The following ANKRD44 variants were observed in gnomAD, a reference collection of about 807,000 sequenced individuals.
ANKRD44 encodes the protein ankyrin repeat domain 44.
In ANKRD44, 35 loss-of-function variants were observed where a neutral mutation model predicts 116.0. The ratio of observed to expected loss-of-function variants is 0.30; its 90% CI spans 0.23 to 0.40. ANKRD44 has a LOEUF of 0.40. Among genes scored for constraint, ANKRD44 ranks in the 10% least tolerant of loss-of-function variants. The pLI, the probability that ANKRD44 is intolerant of heterozygous loss-of-function variation, is 1.00. For missense variants in ANKRD44, 1,014 were observed against 1,242.6 expected (o/e 0.82, Z 2.77); for synonymous variants, 435 against 461.8 (o/e 0.94, Z 0.74).
At chr2:197,215,120 C>T (rs141856957) in intron 1 of ANKRD44, among the ~76,000 whole-genome samples, 93 of 152,308 alleles carry the variant, frequency 6.1e-4, no homozygotes, top group African/African-American at 2.2e-3. Context: ...ACATGATCCT[C>T]CCGGCTCAGC....
intron 17 of ANKRD44, among the ~76,000 whole-genome samples, chr2:197,020,307 T>C (rs1219523837): frequency 1.3e-5 from 2 of 152,160 alleles, no homozygotes; most frequent in South Asian, 4.1e-4. Context: ...ATGCTGGCAA[T>C]TAGGAAAGCT....
Position 196,988,402 on chromosome 2 carries a change from G to A in ANKRD44, c.*1189C>T. The A allele has an allele frequency of 7.1e-6, 7 of 985,420 alleles. No homozygotes were observed. The highest frequency in any genetic ancestry group is 8.4e-6 in the Non-Finnish European group (7 of 829,920). The allele number at this position is 985,420 out of a possible 1,614,324, so 61.0% of individuals were successfully genotyped here. On this transcript the variant is annotated 3_prime_UTR_variant, in exon 28 of 28. Coordinates refer to ENST00000282272, the MANE Select transcript of ANKRD44 (RefSeq NM_001195144.2). Reference sequence around the variant, plus strand: ...CTTCTCTAAACAAACGAAAAGGACAGAAGGTGGGAAGCACAACACCAAGAA... The same window carrying A: ...CTTCTCTAAACAAACGAAAAGGACAAAAGGTGGGAAGCACAACACCAAGAA...
In ANKRD44 at chr2:197,201,457, G is replaced by A. The variant is rs993371674; in HGVS notation, c.28-14351C>T. The stretch of plus-strand genomic sequence containing the variant: ...TCTGAGACAAGGCATCAGGGAGATA[G>A]GATCCTTTGGCCTCCTCTGGCCCAA... On this transcript the variant is annotated intron_variant, in intron 1 of 27. Transcript: ENST00000282272. The surrounding 1 kb of genome is among the most constrained non-coding windows in gnomAD (Gnocchi z 4.0). 1.3e-5 allele frequency among the ~76,000 whole-genome samples: 2 copies of A among 152,174 alleles called. No homozygotes were observed. Among genetic ancestry groups the A allele is most frequent in the African/African-American group, 4.8e-5 (2 of 41,438 alleles).
rs569670969 is a variant in ANKRD44, at chr2:197,241,930, C to T, written c.28-54824G>A. ...TTGTACAATATTAATCTTAAAAATA[C>T]ATATTACTGTGCTTTTCTTCCCAAA... is the stretch of plus-strand genomic sequence containing the variant. On this transcript the variant is annotated intron_variant, in intron 1 of 27. Coordinates refer to ENST00000282272, the MANE Select transcript of ANKRD44 (RefSeq NM_001195144.2). Among the ~76,000 whole-genome samples, 185 of 152,176 alleles carry T rather than the reference C, an allele frequency of 1.2e-3. 2 individuals are homozygous for T. Among genetic ancestry groups the T allele is most frequent in the African/African-American group, 4.4e-3 (183 of 41,536 alleles).
At chr2:197,230,101 G>A (rs953931211) in intron 1 of ANKRD44, among the ~76,000 whole-genome samples, 3 of 152,002 alleles carry the variant, frequency 2.0e-5, no homozygotes, top group Admixed American at 6.6e-5. Flanking sequence ...CAGCCAACAC[G>A]AGCTTTTTTC....
intron 12 of ANKRD44, 58 bp downstream of exon 12, chr2:197,088,651 GTC>G (rs1462749402): frequency 3.0e-3 from 51 of 16,916 alleles, no homozygotes; most frequent in East Asian, 0.17. Context: ...GACAACTTAA[GTC>G]AAGTCAATAA....
intron 16 of ANKRD44, among the ~76,000 whole-genome samples, chr2:197,063,647 G>A (rs865940318): frequency 2.6e-5 from 4 of 152,180 alleles, no homozygotes; most frequent in Non-Finnish European, 4.4e-5. Flanking sequence ...CAAGAACTAC[G>A]TGATGAATGC....
At chr2:197,044,523 G>A (rs927967354) in intron 16 of ANKRD44, among the ~76,000 whole-genome samples, 4 of 152,026 alleles carry the variant, frequency 2.6e-5, no homozygotes, top group Non-Finnish European at 4.4e-5. Flanking sequence ...CACACATACA[G>A]CTAATTTTTG....
intron 2 of ANKRD44, among the ~76,000 whole-genome samples, chr2:197,185,899 A>T (rs548895844): frequency 6.6e-6 from 1 of 152,324 alleles, no homozygotes; most frequent in East Asian, 1.9e-4. Context: ...AAAAAAACAG[A>T]TAGTAAATAT....
chr2:197,014,563 G>A (rs1349908085), intron 17 of ANKRD44, among the ~76,000 whole-genome samples: 1 of 152,014 alleles, frequency 6.6e-6, no homozygotes, highest in African/African-American at 2.4e-5. Flanking sequence ...CGAGACGGGT[G>A]GATCACTTGA....
intron 1 of ANKRD44, among the ~76,000 whole-genome samples, chr2:197,269,091 G>GTTTTTGTTTT (rs377613120): frequency 3.3e-5 from 5 of 151,466 alleles, no homozygotes; most frequent in East Asian, 1.9e-4. Context: ...TTTTGTTTTT[G>GTTTTTGTTTT]TTTTTGATCT....
intron 2 of ANKRD44, among the ~76,000 whole-genome samples, chr2:197,169,217 C>A (rs913192499): frequency 1.3e-5 from 2 of 152,146 alleles, no homozygotes; most frequent in African/African-American, 2.4e-5. Context: ...ACATTCCCCC[C>A]AATCTTCTCA....
At chr2:197,026,461 T>C (rs1032297947) in intron 16 of ANKRD44, among the ~76,000 whole-genome samples, 1 of 152,172 alleles carries the variant, frequency 6.6e-6, no homozygotes, top group Non-Finnish European at 1.5e-5. Flanking sequence ...TGTGAATATC[T>C]TGGAGAAGAG....
At chr2:197,126,460 G>A (rs2078976942) in intron 4 of ANKRD44, among the ~76,000 whole-genome samples, 1 of 152,210 alleles carries the variant, frequency 6.6e-6, no homozygotes, top group Non-Finnish European at 1.5e-5. Context: ...TCAGCATCGT[G>A]TGATCAATAA....
intron 1 of ANKRD44, among the ~76,000 whole-genome samples, chr2:197,228,823 G>A (rs2081784307): frequency 6.6e-6 from 1 of 152,202 alleles, no homozygotes; most frequent in African/African-American, 2.4e-5. Context: ...ATCACCTGAG[G>A]TCAGGAGTTT....
At chr2:197,077,056 C>T (rs962354538) in intron 16 of ANKRD44, among the ~76,000 whole-genome samples, 1 of 152,102 alleles carries the variant, frequency 6.6e-6, no homozygotes, top group African/African-American at 2.4e-5. Context: ...GATAGTTTTG[C>T]TTTTAGGTCT....
intron 27 of ANKRD44, chr2:196,989,902 G>T: frequency 2.6e-6 from 3 of 1,168,954 alleles, no homozygotes; most frequent in South Asian, 2.5e-5. Context: ...ATTAACAAAG[G>T]GTAGTTTCAT....
At position 197,099,902 on chromosome 2, in the gene ANKRD44, G is replaced by T. The variant is rs772410261; in HGVS notation, c.1014C>A (p.Asp338Glu). 1 of 1,614,064 alleles carries T rather than the reference G, an allele frequency of 6.2e-7. No homozygotes were observed. The highest frequency in any genetic ancestry group is 8.5e-7 in the Non-Finnish European group (1 of 1,179,992). The change falls in exon 10 of 28, where the codon GAC (aspartate) becomes GAA (glutamate). Residue 338 changes from aspartate (D) to glutamate (E), a missense_variant. Asp to Glu is a conservative substitution (Grantham distance 45). Coordinates refer to ENST00000282272, the MANE Select transcript of ANKRD44 (RefSeq NM_001195144.2). The stretch of plus-strand genomic sequence containing the variant: ...CAGCCACATGGAGAGGAGTGTTGCC[G>T]TCCTTATCCACACAGTCAATTTCAC... ...NGGEIDCVDK[D>E]GNTPLHVAAR... is the part of the protein sequence containing the mutation.
At chr2:197,198,005 T>C (rs1488366282) in intron 1 of ANKRD44, 1 of 152,240 alleles carries the variant, frequency 6.6e-6, no homozygotes, top group East Asian at 1.9e-4. Context: ...GGAGAGAAAT[T>C]GTACCTGGCC....
Sources: gnomAD v4.1 joint callset for allele counts (sites outside exome capture counted in the v4.1 genomes callset) on GRCh38, gnomAD v4.1.1 for gene constraint, Gnocchi (gnomAD v3.1) non-coding constraint, MANE v1.5 for transcripts, NCBI Gene and HGNC (gene_info 2026-07-23, HGNC 2026-07-21) for gene names.